Variants in PPHLN1 observed in about 807,000 individuals in gnomAD.
The protein encoded by PPHLN1 is periphilin 1, also known as periphilin-1.
A neutral mutation model predicts 51.3 loss-of-function variants in PPHLN1; 29 were observed. That is an observed-to-expected ratio of 0.57 (90% confidence interval 0.42 to 0.77). PPHLN1 has a LOEUF of 0.77. Among genes scored for constraint, PPHLN1 ranks in the 30% least tolerant of loss-of-function variants. The probability of loss-of-function intolerance (pLI) is 0.00; values close to 1 mark genes in which losing one functional copy is unlikely to be tolerated. For synonymous variants in PPHLN1, 147 were observed against 147.8 expected (o/e 0.99, Z 0.04); for missense variants, 436 against 438.4 (o/e 0.99, Z 0.05).
In PPHLN1 at chr12:42,414,467, C is replaced by T. The variant is rs75440492; in HGVS notation, c.909+15473C>T. On this transcript the variant is annotated intron_variant, in intron 9 of 9. Coordinates refer to ENST00000358314, the MANE Select transcript of PPHLN1 (RefSeq NM_201439.2). ...TTTTTCAGCAGCTTCTTGTAATTCT[C>T]CTTGTAGAAATCTTTCATCACTCTG... Among the ~76,000 whole-genome samples, 1,074 of 152,266 alleles carry T rather than the reference C, an allele frequency of 7.1e-3. 11 individuals carry two copies. The highest frequency in any genetic ancestry group is 0.025 in the African/African-American group (1,024 of 41,536).
chr12:42,327,860 T>G (rs1481875492), intron 1 of PPHLN1, among the ~76,000 whole-genome samples: 5 of 152,238 alleles, frequency 3.3e-5, no homozygotes, highest in African/African-American at 1.2e-4. Flanking sequence ...TACTTCACCC[T>G]TAGAAGGGGT....
At chr12:42,338,967 C>T (rs1042968265) in intron 2 of PPHLN1, among the ~76,000 whole-genome samples, 12 of 152,118 alleles carry the variant, frequency 7.9e-5, no homozygotes, top group Non-Finnish European at 1.3e-4. Flanking sequence ...CAGCATATTG[C>T]GGAAAAATCT....
intron 5 of PPHLN1, among the ~76,000 whole-genome samples, chr12:42,383,221 A>C (rs529990326): frequency 6.6e-6 from 1 of 152,334 alleles, no homozygotes; most frequent in African/African-American, 2.4e-5. Context: ...TCCAAGGTTA[A>C]AAAGATAAGA....
chr12:42,370,918 G>C (rs1193186799), intron 4 of PPHLN1, among the ~76,000 whole-genome samples: 2 of 151,942 alleles, frequency 1.3e-5, no homozygotes, highest in Admixed American at 6.6e-5. Context: ...CAATTCTCCT[G>C]ACTTAGCCTC....
At chr12:42,335,071 C>G (rs2070381987) in intron 1 of PPHLN1, among the ~76,000 whole-genome samples, 1 of 152,060 alleles carries the variant, frequency 6.6e-6, no homozygotes. Context: ...TTCTCATTTT[C>G]TCTTGTTTGC....
intron 9 of PPHLN1, among the ~76,000 whole-genome samples, chr12:42,426,694 T>G (rs997348101): frequency 3.9e-5 from 6 of 152,198 alleles, no homozygotes; most frequent in Non-Finnish European, 7.3e-5. Flanking sequence ...ACAGCCATCC[T>G]TAGACATGGA....
chr12:42,423,525 A>G (rs2081179335), intron 9 of PPHLN1, among the ~76,000 whole-genome samples: 1 of 152,190 alleles, frequency 6.6e-6, no homozygotes, highest in Non-Finnish European at 1.5e-5. Context: ...TGGGAGAAGT[A>G]TGATTAAGTA....
At chr12:42,338,116 AG>A (rs1334952723) in intron 2 of PPHLN1, among the ~76,000 whole-genome samples, 3 of 151,446 alleles carry the variant, frequency 2.0e-5, no homozygotes, top group Non-Finnish European at 4.4e-5. Flanking sequence ...TAGTAGGGAC[AG>A]GGTTTTGCCG....
At chr12:42,377,301 CTTTTTT>C (rs11297368) in intron 5 of PPHLN1, among the ~76,000 whole-genome samples, 55 of 104,992 alleles carry the variant, frequency 5.2e-4, no homozygotes, top group African/African-American at 1.7e-3. Flanking sequence ...TTTTTTCTTT[CTTTTTT>C]TTTTTTTTTT....
chr12:42,350,245 A>C (rs1302618403), intron 2 of PPHLN1: 1 of 157,516 alleles, frequency 6.3e-6, no homozygotes, highest in African/African-American at 2.5e-5. Context: ...CACCTCCCAG[A>C]CGGGGTGGTG....
chr12:42,382,172 G>A (rs1353550457), intron 5 of PPHLN1, among the ~76,000 whole-genome samples: 1 of 152,176 alleles, frequency 6.6e-6, no homozygotes, highest in African/African-American at 2.4e-5. Context: ...TTCAGCCATT[G>A]CATTCAAGGA....
At chr12:42,376,002 A>G (rs2076236618) in intron 5 of PPHLN1, among the ~76,000 whole-genome samples, 1 of 152,230 alleles carries the variant, frequency 6.6e-6, no homozygotes. Context: ...ATGTTTATAT[A>G]TAACTTTGAT....
At chr12:42,419,322 A>G (rs1004764065) in intron 9 of PPHLN1, among the ~76,000 whole-genome samples, 1 of 150,518 alleles carries the variant, frequency 6.6e-6, no homozygotes, top group African/African-American at 2.4e-5. Context: ...GCTCACTGCA[A>G]CCTCTGCCTC....
intron 3 of PPHLN1, among the ~76,000 whole-genome samples, chr12:42,353,288 T>C (rs984236415): frequency 2.6e-5 from 4 of 152,158 alleles, no homozygotes; most frequent in Non-Finnish European, 5.9e-5. Context: ...TTTCTCTTTT[T>C]CCCCCTTTCC....
At chr12:42,326,493 G>C (rs918440824) in intron 1 of PPHLN1, among the ~76,000 whole-genome samples, 2 of 152,192 alleles carry the variant, frequency 1.3e-5, no homozygotes, top group Non-Finnish European at 2.9e-5. Context: ...TCAGTGACCC[G>C]AGAGGAGTCA....
chr12:42,407,689 T>A (rs1157251533), intron 9 of PPHLN1, among the ~76,000 whole-genome samples: 1 of 152,236 alleles, frequency 6.6e-6, no homozygotes, highest in Non-Finnish European at 1.5e-5. Flanking sequence ...GCCTTGTATT[T>A]GCATATAACC....
At chr12:42,419,547 A>G (rs1422329011) in intron 9 of PPHLN1, among the ~76,000 whole-genome samples, 1 of 152,090 alleles carries the variant, frequency 6.6e-6, no homozygotes, top group Non-Finnish European at 1.5e-5. Context: ...ATACTTTTCT[A>G]TATAGTAGTT....
intron 9 of PPHLN1, among the ~76,000 whole-genome samples, chr12:42,419,844 A>T (rs2080826700): frequency 6.6e-6 from 1 of 152,162 alleles, no homozygotes; most frequent in Non-Finnish European, 1.5e-5. Flanking sequence ...TTCATGTGTA[A>T]TTATATCTGT....
chr12:42,360,953 GTGAT>G (rs1565823094), intron 4 of PPHLN1, among the ~76,000 whole-genome samples: 1 of 152,164 alleles, frequency 6.6e-6, no homozygotes, highest in Admixed American at 6.5e-5. Flanking sequence ...TTGAAACTAT[GTGAT>G]TGAATCATTT....
Sources: gnomAD v4.1 joint callset for allele counts (sites outside exome capture counted in the v4.1 genomes callset) on GRCh38, gnomAD v4.1.1 for gene constraint, MANE v1.5 for transcripts, NCBI Gene and HGNC (gene_info 2026-07-23, HGNC 2026-07-21) for gene names.